The following THSD7B variants were observed in gnomAD, a reference collection of about 807,000 sequenced individuals.
THSD7B encodes the protein thrombospondin type 1 domain containing 7B.
THSD7B carries 138 observed loss-of-function variants against 213.6 expected under a neutral mutation model. That is an observed-to-expected ratio of 0.65 (90% CI 0.56 to 0.74). THSD7B has a LOEUF of 0.74. Among genes scored for constraint, THSD7B ranks in the 30% least tolerant of loss-of-function variants. The probability of loss-of-function intolerance (pLI) is 0.00; values close to 1 mark genes in which losing one functional copy is unlikely to be tolerated. For synonymous variants in THSD7B, 742 were observed against 687.0 expected, an observed-to-expected ratio of 1.08 and a Z score of -1.25; for missense variants, 1,931 against 1,991.5, an observed-to-expected ratio of 0.97 and a Z score of 0.58.
intron 15 of THSD7B, among the ~76,000 whole-genome samples, chr2:137,488,400 G>T (rs1482362794): frequency 1.3e-5 from 2 of 152,018 alleles, no homozygotes; most frequent in Non-Finnish European, 2.9e-5. Flanking sequence ...ATATTTTGAA[G>T]AATATATGTG....
chr2:137,567,708 C>T (rs925429543), intron 16 of THSD7B, among the ~76,000 whole-genome samples: 2 of 152,022 alleles, frequency 1.3e-5, no homozygotes, highest in Non-Finnish European at 1.5e-5. Flanking sequence ...GCCTGAGCAA[C>T]GTTAGGAATA....
chr2:136,992,313 A>G (rs1038023751), intron 2 of THSD7B, among the ~76,000 whole-genome samples: 1 of 152,244 alleles, frequency 6.6e-6, no homozygotes, highest in African/African-American at 2.4e-5. Context: ...CTGATTTGAT[A>G]GAGCTTCTGT....
intron 4 of THSD7B, among the ~76,000 whole-genome samples, chr2:137,106,259 G>C (rs1405196248): frequency 6.6e-6 from 1 of 151,962 alleles, no homozygotes; most frequent in African/African-American, 2.4e-5. Context: ...ACAATCATCT[G>C]ATCTTTGACA....
chr2:137,187,166 C>T (rs892496470), intron 7 of THSD7B, among the ~76,000 whole-genome samples: 1 of 152,110 alleles, frequency 6.6e-6, no homozygotes, highest in African/African-American at 2.4e-5. Flanking sequence ...AAAATGTAGC[C>T]GTTGCCAACC....
chr2:137,033,888 C>A (rs1686722388), intron 2 of THSD7B, among the ~76,000 whole-genome samples: 2 of 152,028 alleles, frequency 1.3e-5, no homozygotes, highest in Non-Finnish European at 2.9e-5. Context: ...CCTGCTGCAC[C>A]CATCAACCAG....
chr2:137,198,218 C>T (rs762638890), intron 7 of THSD7B, among the ~76,000 whole-genome samples: 4 of 152,136 alleles, frequency 2.6e-5, no homozygotes, highest in African/African-American at 9.7e-5. Flanking sequence ...TGGCATTTCT[C>T]TTGTACTCAT....
intron 14 of THSD7B, among the ~76,000 whole-genome samples, chr2:137,423,872 G>C (rs1170031577): frequency 2.0e-5 from 3 of 152,034 alleles, no homozygotes; most frequent in Non-Finnish European, 4.4e-5. Context: ...TTGAAAAGGT[G>C]GAACAAAGTT....
At chr2:137,405,972 A>T (rs1551280) in intron 13 of THSD7B, among the ~76,000 whole-genome samples, 165 bp downstream of exon 13, 151,017 of 152,332 alleles carry the variant, frequency 0.99, 74,869 homozygotes, top group East Asian at 1. Context: ...GTACGTAACA[A>T]GTACTCAATT....
At chr2:137,298,503 T>C (rs1384534045) in intron 12 of THSD7B, among the ~76,000 whole-genome samples, 1 of 152,172 alleles carries the variant, frequency 6.6e-6, no homozygotes, top group Non-Finnish European at 1.5e-5. Flanking sequence ...TGTTAATCCC[T>C]GAGACCATGG....
At chr2:136,802,029 A>G (rs1489059543) in intron 1 of THSD7B, among the ~76,000 whole-genome samples, 1 of 152,160 alleles carries the variant, frequency 6.6e-6, no homozygotes, top group East Asian at 1.9e-4. Context: ...TGGTTTCCGA[A>G]CAGTTAATAA....
chr2:137,573,755 G>A (rs925634830), intron 17 of THSD7B, among the ~76,000 whole-genome samples: 7 of 152,066 alleles, frequency 4.6e-5, no homozygotes, highest in Non-Finnish European at 1.0e-4. Flanking sequence ...AGAAACTGAT[G>A]TGTAGAAAGG....
rs2602349 is a variant in THSD7B, at chr2:137,290,757, A to G, written c.2500+14731A>G. 5.9e-3 allele frequency among the ~76,000 whole-genome samples: 900 copies of G among 152,214 alleles called. 9 individuals carry two copies. Among genetic ancestry groups the G allele is most frequent in the African/African-American group, 0.02 (815 of 41,564 alleles). On this transcript the variant is annotated intron_variant, in intron 12 of 27. Transcript: ENST00000409968. ...TTCTAAAAGTGAACCTATTTTCTCT[A>G]TCTGAGTTTTCAATCTTAATGAGTT... is the stretch of plus-strand genomic sequence containing the variant.
At chr2:137,513,614 TTAAC>T (rs1183849272) in intron 15 of THSD7B, among the ~76,000 whole-genome samples, 1 of 152,240 alleles carries the variant, frequency 6.6e-6, no homozygotes, top group Non-Finnish European at 1.5e-5. Context: ...CAAAAATAAT[TTAAC>T]TAAAATATGT....
Position 137,663,488 on chromosome 2 carries a change from G to A in THSD7B, c.4564G>A (p.Val1522Met), listed in dbSNP as rs1315161442. The A allele has an allele frequency of 6.2e-7, 1 of 1,604,548 alleles. No homozygotes were observed. Among genetic ancestry groups the A allele is most frequent in the Middle Eastern group, 1.7e-4 (1 of 6,052 alleles). Reference sequence around the variant, plus strand: ...AGGCTCAGAGGATAAAAAAGCTGATGTGAAAAACCTTTCTGGGAAAAACAG... The same window carrying A: ...AGGCTCAGAGGATAAAAAAGCTGATATGAAAAACCTTTCTGGGAAAAACAG... ...VPGSEDKKAD[V>M]KNLSGKNRPV... Residue 1522 changes from valine to methionine, a missense_variant, in exon 26 of 28, where the codon GTG becomes ATG. Coordinates refer to ENST00000409968, the MANE Select transcript of THSD7B (RefSeq NM_001316349.2).
intron 1 of THSD7B, among the ~76,000 whole-genome samples, chr2:136,851,975 A>C (rs1352717843): frequency 2.0e-5 from 3 of 151,742 alleles, no homozygotes; most frequent in Non-Finnish European, 2.9e-5. Context: ...TAAGGGCCCC[A>C]AAAAGACACT....
rs138813869 is a variant in THSD7B at position 137,514,403 on chromosome 2, G to C, written c.3139-48818G>C. ...CTTTCTCCTGTGCTGGATGCTTTCTGTCCTTGAACATTGGACTCCAAGTTC... is the reference window on the plus strand; with the variant it reads ...CTTTCTCCTGTGCTGGATGCTTTCTCTCCTTGAACATTGGACTCCAAGTTC... On this transcript the variant is annotated intron_variant, in intron 15 of 27. Coordinates refer to ENST00000409968, the MANE Select transcript of THSD7B (RefSeq NM_001316349.2). Among the ~76,000 whole-genome samples, 961 of 152,268 alleles carry C rather than the reference G, an allele frequency of 6.3e-3. 29 individuals are homozygous for C. The highest frequency in any genetic ancestry group is 0.054 in the Admixed American group (833 of 15,294).
intron 12 of THSD7B, among the ~76,000 whole-genome samples, chr2:137,356,969 C>G (rs200684816): frequency 0.031 from 284 of 9,214 alleles, no homozygotes; most frequent in Middle Eastern, 0.083. Flanking sequence ...CACACACAGA[C>G]ACACACACAC....
intron 7 of THSD7B, among the ~76,000 whole-genome samples, chr2:137,171,775 G>T (rs939968584): frequency 1.3e-5 from 2 of 152,090 alleles, no homozygotes; most frequent in Non-Finnish European, 2.9e-5. Context: ...GAGCACACAG[G>T]GTTGATATAT....
chr2:137,334,078 T>A (rs1684579545), intron 12 of THSD7B, among the ~76,000 whole-genome samples: 1 of 152,208 alleles, frequency 6.6e-6, no homozygotes, highest in Non-Finnish European at 1.5e-5. Flanking sequence ...GTATGTGTGT[T>A]TGCAATTCAA....
Sources: gnomAD v4.1 joint callset for allele counts (sites outside exome capture counted in the v4.1 genomes callset) on GRCh38, gnomAD v4.1.1 for gene constraint, MANE v1.5 for transcripts, NCBI Gene and HGNC (gene_info 2026-07-23, HGNC 2026-07-21) for gene names.